The following RPH3A variants were observed in gnomAD, a reference collection of about 807,000 sequenced individuals.
RPH3A encodes the protein rabphilin 3A.
In RPH3A, 48 loss-of-function variants were observed where a neutral mutation model predicts 102.2. The observed-to-expected ratio is 0.47, with a 90% CI of 0.37 to 0.60. The LOEUF (loss-of-function observed/expected upper bound fraction) is 0.60, where lower values mean the gene tolerates loss of function less well. Ranked by LOEUF, RPH3A falls within the 20% of genes least tolerant of loss-of-function variation. RPH3A has a pLI of 0.00. For missense variants in RPH3A, 781 were observed against 910.1 expected, an observed-to-expected ratio of 0.86 and a Z score of 1.83; for synonymous variants, 310 against 324.3, an observed-to-expected ratio of 0.96 and a Z score of 0.47.
rs75378494 is a variant in RPH3A at position 112,694,644 on chromosome 12, G to A, written c.-139-97499G>A. Among the ~76,000 whole-genome samples, 94 of 126,924 alleles carry A rather than the reference G, an allele frequency of 7.4e-4. 2 individuals carry two copies. Among genetic ancestry groups the A allele is most frequent in the Admixed American group, 2.8e-3 (36 of 12,972 alleles). 83.3% of individuals were successfully genotyped at this position (126,924 alleles called of 152,430 possible). On this transcript the variant is annotated intron_variant, in intron 1 of 21. Coordinates refer to the RPH3A transcript ENST00000543106. ...CAAAGACACACGCACGCGCGCGCGC[G>A]CACACGCACACACACACACACACAC...
At chr12:112,677,423 T>TCCC (rs2040186689) in intron 1 of RPH3A, among the ~76,000 whole-genome samples, 1 of 31,950 alleles carries the variant, frequency 3.1e-5, no homozygotes, top group Non-Finnish European at 6.9e-5. Context: ...CCCTCCTTCC[T>TCCC]TCCTTCCTTC....
intron 5 of RPH3A, among the ~76,000 whole-genome samples, chr12:112,859,967 CG>C (rs1354105489): frequency 6.6e-6 from 1 of 152,160 alleles, no homozygotes; most frequent in Non-Finnish European, 1.5e-5. Context: ...CGGGCACTGG[CG>C]TTTTTCTTAA....
intron 1 of RPH3A, among the ~76,000 whole-genome samples, chr12:112,699,767 A>G (rs2891403): frequency 0.8 from 122,550 of 152,272 alleles, 50,522 homozygotes; most frequent in East Asian, 1. Flanking sequence ...ATTATACCTC[A>G]ATAAGGTTGA....
chr12:112,874,599 C>A (rs1450698675), intron 10 of RPH3A, among the ~76,000 whole-genome samples: 1 of 152,144 alleles, frequency 6.6e-6, no homozygotes, highest in Non-Finnish European at 1.5e-5. Flanking sequence ...TGGGAAACAG[C>A]AGGAAGGCAA....
At chr12:112,727,263 T>G (rs1468181809) in intron 1 of RPH3A, among the ~76,000 whole-genome samples, 1 of 150,984 alleles carries the variant, frequency 6.6e-6, no homozygotes, top group Non-Finnish European at 1.5e-5. Context: ...AGGTGGCACA[T>G]GCCTGTAATC....
intron 4 of RPH3A, among the ~76,000 whole-genome samples, chr12:112,845,578 C>T (rs551220277): frequency 2.5e-4 from 38 of 152,330 alleles, no homozygotes; most frequent in South Asian, 2.5e-3. Flanking sequence ...AAGCTCTGCC[C>T]AATCTCTAGG....
At chr12:112,809,661 T>C (rs553550733) in intron 2 of RPH3A, among the ~76,000 whole-genome samples, 2 of 152,192 alleles carry the variant, frequency 1.3e-5, no homozygotes, top group African/African-American at 4.8e-5. Flanking sequence ...AGAGTACAAT[T>C]ATAACCAGCA....
At chr12:112,700,990 C>A (rs2040389571) in intron 1 of RPH3A, among the ~76,000 whole-genome samples, 1 of 152,104 alleles carries the variant, frequency 6.6e-6, no homozygotes, top group African/African-American at 2.4e-5. Flanking sequence ...TTCGGTGTCC[C>A]CAGACACCTC....
At chr12:112,826,341 G>A (rs2041872481) in intron 2 of RPH3A, among the ~76,000 whole-genome samples, 1 of 152,148 alleles carries the variant, frequency 6.6e-6, no homozygotes, top group African/African-American at 2.4e-5. Context: ...GAGGCTGCAG[G>A]GAGCCAGCGT....
chr12:112,643,961 A>G (rs894672344), intron 1 of RPH3A, among the ~76,000 whole-genome samples: 1 of 152,250 alleles, frequency 6.6e-6, no homozygotes, highest in Non-Finnish European at 1.5e-5. Flanking sequence ...AATACTACTC[A>G]GCCATAAAAA....
chr12:112,593,463 C>T (rs1280923653), intron 1 of RPH3A, among the ~76,000 whole-genome samples: 1 of 152,170 alleles, frequency 6.6e-6, no homozygotes, highest in African/African-American at 2.4e-5. Context: ...AGAACCTAGT[C>T]CATCCTGACC....
At chr12:112,801,924 G>A (rs1227301253) in intron 2 of RPH3A, among the ~76,000 whole-genome samples, 3 of 152,124 alleles carry the variant, frequency 2.0e-5, no homozygotes, top group Non-Finnish European at 2.9e-5. Flanking sequence ...TCAGCAGTAT[G>A]TTTTTAAGAT....
At chr12:112,894,358 T>G in intron 19 of RPH3A, 2 of 551,002 alleles carry the variant, frequency 3.6e-6, no homozygotes, top group South Asian at 2.6e-5. Flanking sequence ...GTGGTTGTGG[T>G]TCTACTGCCT....
chr12:112,698,880 C>CCTTCCG (rs1486769525), intron 1 of RPH3A, among the ~76,000 whole-genome samples: 2 of 149,442 alleles, frequency 1.3e-5, no homozygotes, highest in Non-Finnish European at 3.0e-5. Context: ...TTCCCCTTCC[C>CCTTCCG]CTTCCGCTTC....
At chr12:112,744,742 G>T (rs898131078) in intron 1 of RPH3A, among the ~76,000 whole-genome samples, 1 of 152,150 alleles carries the variant, frequency 6.6e-6, no homozygotes, top group African/African-American at 2.4e-5. Context: ...ACAGTCAGGG[G>T]AGACAGGGCT....
At chr12:112,770,906 C>A (rs2040923078) in intron 1 of RPH3A, among the ~76,000 whole-genome samples, 1 of 152,130 alleles carries the variant, frequency 6.6e-6, no homozygotes, top group African/African-American at 2.4e-5. Flanking sequence ...TTGTTTGTTG[C>A]TTTCAGGTAT....
chr12:112,890,117 T>A (rs770289207), intron 18 of RPH3A, 37 bp downstream of exon 18: 9 of 1,584,376 alleles, frequency 5.7e-6, no homozygotes, highest in Non-Finnish European at 7.8e-6. Flanking sequence ...ACAGTCAGGG[T>A]CTGTACTGGG....
intron 1 of RPH3A, among the ~76,000 whole-genome samples, chr12:112,628,545 C>T (rs1257750588): frequency 1.9e-5 from 2 of 104,548 alleles, no homozygotes; most frequent in Non-Finnish European, 3.5e-5. Flanking sequence ...GTCTGGGAAA[C>T]ATTGCAAGGC....
chr12:112,852,391 T>C (rs1044469284), intron 5 of RPH3A, among the ~76,000 whole-genome samples: 1 of 152,224 alleles, frequency 6.6e-6, no homozygotes. Context: ...GAAGGCATTA[T>C]TGGTGGCTAT....
Sources: allele counts gnomAD v4.1 joint callset (sites outside exome capture counted in the v4.1 genomes callset), GRCh38; gene constraint gnomAD v4.1.1; transcripts MANE v1.5; gene names NCBI Gene and HGNC (gene_info 2026-07-23, HGNC 2026-07-21).